PPP1R13B: variants seen among roughly 807,000 people sequenced by gnomAD.
The protein encoded by PPP1R13B is apoptosis-stimulating of p53 protein 1.
PPP1R13B carries 44 observed loss-of-function variants against 119.8 expected under a neutral mutation model. The observed-to-expected ratio is 0.37, with a 90% CI of 0.29 to 0.47. PPP1R13B has a LOEUF of 0.47. Among genes scored for constraint, PPP1R13B ranks in the 20% least tolerant of loss-of-function variants. The pLI is 0.99. For synonymous variants in PPP1R13B, 542 were observed against 561.5 expected, an observed-to-expected ratio of 0.97 and a Z score of 0.49; for missense variants, 1,227 against 1,413.5, an observed-to-expected ratio of 0.87 and a Z score of 2.12.
intron 5 of PPP1R13B, among the ~76,000 whole-genome samples, 182 bp from the exon 6 acceptor site, chr14:103,754,426 G>A (rs889599452): frequency 2.6e-5 from 4 of 151,766 alleles, no homozygotes; most frequent in African/African-American, 4.8e-5. Context: ...GTAACTGGGC[G>A]TGGTGTGCGC....
intron 1 of PPP1R13B, among the ~76,000 whole-genome samples, chr14:103,837,543 A>T (rs957814141): frequency 6.6e-6 from 1 of 151,402 alleles, no homozygotes; most frequent in Non-Finnish European, 1.5e-5. Flanking sequence ...TCTCACACAC[A>T]CTTACATGTG....
intron 2 of PPP1R13B, among the ~76,000 whole-genome samples, chr14:103,793,860 G>A (rs1429234485): frequency 6.6e-6 from 1 of 152,118 alleles, no homozygotes; most frequent in Non-Finnish European, 1.5e-5. Flanking sequence ...CTGTGTCCCC[G>A]CTAAATTCAT....
At chr14:103,809,051 A>AT (rs1249296259) in intron 1 of PPP1R13B, among the ~76,000 whole-genome samples, 2 of 151,914 alleles carry the variant, frequency 1.3e-5, no homozygotes, top group Non-Finnish European at 2.9e-5. Context: ...TTTTGTAGAG[A>AT]TGGGGTCTAT....
chr14:103,790,411 T>A (rs1283574517), intron 2 of PPP1R13B, among the ~76,000 whole-genome samples: 1 of 152,116 alleles, frequency 6.6e-6, no homozygotes, highest in Non-Finnish European at 1.5e-5. Flanking sequence ...AATGTGGTAA[T>A]ATTAGGAGGT....
In PPP1R13B at chr14:103,739,034, G is replaced by A. The variant is rs1417938531; in HGVS notation, c.2593-11C>T. On this transcript the variant is annotated splice_polypyrimidine_tract_variant and intron_variant, in intron 12 of 16. Coordinates refer to ENST00000202556, the MANE Select transcript of PPP1R13B (RefSeq NM_015316.3). ...GTTGGTCCGCTTGTTCTGTTGGGAA[G>A]GAAGCACGCTTTCCAGTTAAAGGTG... 2 of 1,609,446 alleles carry A rather than the reference G, an allele frequency of 1.2e-6. No homozygotes were observed. Among genetic ancestry groups the A allele is most frequent in the African/African-American group, 2.7e-5 (2 of 74,830 alleles).
rs1240244510 is a variant in PPP1R13B at position 103,734,636 on chromosome 14, C to T, written c.*518G>A. On this transcript the variant is annotated 3_prime_UTR_variant, in exon 17 of 17. Transcript: ENST00000202556. ...GGGAGGCATACACACTGGGCAGCAA[C>T]ACTGGACATGTTTCCATACAGAGGC... 1 of 456,598 alleles carries T rather than the reference C, an allele frequency of 2.2e-6. No homozygotes were observed. The highest frequency in any genetic ancestry group is 1.5e-5 in the South Asian group (1 of 64,562). The allele number at this position is 456,598 out of a possible 1,614,324, so 28.3% of individuals were successfully genotyped here.
At chr14:103,761,893 A>G (rs896068512) in intron 4 of PPP1R13B, among the ~76,000 whole-genome samples, 1 of 152,232 alleles carries the variant, frequency 6.6e-6, no homozygotes, top group Non-Finnish European at 1.5e-5. Context: ...TAGTCAGAGA[A>G]CAGACTCTGG....
chr14:103,822,926 T>C (rs956866754), intron 1 of PPP1R13B, among the ~76,000 whole-genome samples: 1 of 152,124 alleles, frequency 6.6e-6, no homozygotes. Flanking sequence ...ACGTTACAGA[T>C]GGAGAAGCAG....
intron 1 of PPP1R13B, among the ~76,000 whole-genome samples, chr14:103,813,328 T>C (rs2152061364): frequency 6.6e-6 from 1 of 152,200 alleles, no homozygotes; most frequent in Admixed American, 6.5e-5. Context: ...CTAAAACTTC[T>C]ATAAAAAATA....
chr14:103,746,788 G>A, intron 8 of PPP1R13B: 1 of 354,138 alleles, frequency 2.8e-6, no homozygotes, highest in Non-Finnish European at 5.1e-6. Flanking sequence ...CACATGAGGA[G>A]CTGATGTGAG....
chr14:103,819,681 G>T (rs2086361966), intron 1 of PPP1R13B, among the ~76,000 whole-genome samples: 1 of 152,050 alleles, frequency 6.6e-6, no homozygotes. Context: ...TGTGGACTGT[G>T]AGAAAGAGGT....
chr14:103,739,260 G>A, intron 12 of PPP1R13B: 1 of 514,686 alleles, frequency 1.9e-6, no homozygotes. Flanking sequence ...CACGCACAGA[G>A]GGACACGGCT....
intron 1 of PPP1R13B, among the ~76,000 whole-genome samples, chr14:103,798,642 T>C (rs745596482): frequency 6.6e-6 from 1 of 152,138 alleles, no homozygotes; most frequent in Non-Finnish European, 1.5e-5. Context: ...GAAAAATAAA[T>C]GACCCTTAAA....
At chr14:103,814,805 C>T (rs1026898612) in intron 1 of PPP1R13B, among the ~76,000 whole-genome samples, 2 of 151,974 alleles carry the variant, frequency 1.3e-5, no homozygotes, top group African/African-American at 4.8e-5. Flanking sequence ...ATTAGCCGGG[C>T]ATGGTGGTGG....
intron 8 of PPP1R13B, among the ~76,000 whole-genome samples, chr14:103,748,097 A>G (rs2084437026): frequency 6.6e-6 from 1 of 151,154 alleles, no homozygotes; most frequent in South Asian, 2.1e-4. Context: ...ACACACACAC[A>G]CACACACACA....
chr14:103,820,262 C>T (rs1310033025), intron 1 of PPP1R13B, among the ~76,000 whole-genome samples: 4 of 152,180 alleles, frequency 2.6e-5, no homozygotes, highest in African/African-American at 9.7e-5. Context: ...CACAGGAAAG[C>T]CCCAGCTCCA....
rs150548746 is a variant in PPP1R13B, at chr14:103,754,014, T to C, written c.631+56A>G. ...GAATTGTCAGGCAGTTAGACTATGT[T>C]TCACTGGATCTGGGCCTGGTGAGAG... On this transcript the variant is annotated intron_variant, in intron 6 of 16. Coordinates refer to ENST00000202556, the MANE Select transcript of PPP1R13B (RefSeq NM_015316.3). 646 of 1,562,272 alleles carry C rather than the reference T, an allele frequency of 4.1e-4. No homozygotes were observed. In the African/African-American group the frequency reaches 8.0e-3, roughly 19 times the overall value.
chr14:103,786,181 T>C (rs936795281), intron 2 of PPP1R13B, among the ~76,000 whole-genome samples: 4 of 152,010 alleles, frequency 2.6e-5, no homozygotes, highest in Admixed American at 6.6e-5. Flanking sequence ...GCTGAAACTA[T>C]AGGCATATGC....
intron 2 of PPP1R13B, among the ~76,000 whole-genome samples, chr14:103,792,624 T>C (rs1392182027): frequency 1.3e-5 from 2 of 152,094 alleles, no homozygotes; most frequent in Non-Finnish European, 2.9e-5. Flanking sequence ...AATAAAAGGA[T>C]TGTCTGGGCA....
Sources: gnomAD v4.1 joint callset for allele counts (sites outside exome capture counted in the v4.1 genomes callset) on GRCh38, gnomAD v4.1.1 for gene constraint, MANE v1.5 for transcripts, NCBI Gene and HGNC (gene_info 2026-07-23, HGNC 2026-07-21) for gene names.